Variants in ZNF487 observed in about 807,000 individuals in gnomAD.
ZNF487 encodes KRAB domain only 1.
ZNF487 carries 4 observed loss-of-function variants against 3.0 expected under a neutral mutation model. The observed-to-expected ratio is 1.35, with a 90% CI of 0.66 to 3.08. ZNF487 has a LOEUF of 3.08. Ranked by LOEUF, ZNF487 falls within the 30% of genes most tolerant of loss-of-function variation. The pLI is 0.01. For synonymous variants in ZNF487, 55 were observed against 34.6 expected (o/e 1.59, Z -2.06); for missense variants, 146 against 98.7 (o/e 1.48, Z -2.03).
At chr10:43,510,991 A>G in the ZNF487 span, among the ~76,000 whole-genome samples, 2 of 152,198 alleles carry the variant, frequency 1.3e-5, no homozygotes, top group African/African-American at 4.8e-5. Context: ...AGGCCAGCAG[A>G]ACGTAATTTT....
chr10:43,445,221 T>G (rs1462379264), intron 1 of ZNF487, among the ~76,000 whole-genome samples: 1 of 151,982 alleles, frequency 6.6e-6, no homozygotes, highest in Non-Finnish European at 1.5e-5. Flanking sequence ...ATTCCTGGGC[T>G]CAAGCAATTT....
chr10:43,461,613 C>A (rs539344107), intron 1 of ZNF487, among the ~76,000 whole-genome samples: 12 of 152,008 alleles, frequency 7.9e-5, no homozygotes, highest in Non-Finnish European at 1.6e-4. Context: ...GAGCCACTGC[C>A]CCCGGCCTTT....
chr10:43,515,947 T>G, the ZNF487 span, among the ~76,000 whole-genome samples: 28 of 152,260 alleles, frequency 1.8e-4, no homozygotes, highest in African/African-American at 4.6e-4. Flanking sequence ...CTAATTTTTT[T>G]TGTGTGTGTG....
At chr10:43,486,357 T>G (rs530347820), downstream of ZNF487, among the ~76,000 whole-genome samples, 1 of 152,140 alleles carries the variant, frequency 6.6e-6, no homozygotes, top group South Asian at 2.1e-4. Context: ...AAAAACTTCG[T>G]CTCCACTAAA....
At chr10:43,455,634 G>A (rs1840161359) in intron 1 of ZNF487, among the ~76,000 whole-genome samples, 1 of 152,234 alleles carries the variant, frequency 6.6e-6, no homozygotes, top group African/African-American at 2.4e-5. Context: ...GTGGCGCGGC[G>A]CGCTTGTGGC....
intron 1 of ZNF487, among the ~76,000 whole-genome samples, chr10:43,448,823 A>G (rs576910865): frequency 6.6e-6 from 1 of 151,866 alleles, no homozygotes; most frequent in South Asian, 2.1e-4. Flanking sequence ...TTTCAAAAAA[A>G]TAAATATATA....
At chr10:43,464,349 ATTGT>A (rs1386944070) in intron 1 of ZNF487, among the ~76,000 whole-genome samples, 1 of 151,392 alleles carries the variant, frequency 6.6e-6, no homozygotes, top group African/African-American at 2.4e-5. Flanking sequence ...TGCCCGGCTA[ATTGT>A]TTGTATTTTT....
At chr10:43,455,561 C>CT (rs1840156918) in intron 1 of ZNF487, among the ~76,000 whole-genome samples, 1 of 152,254 alleles carries the variant, frequency 6.6e-6, no homozygotes, top group African/African-American at 2.4e-5. Flanking sequence ...GACGACGCAG[C>CT]TCAGGGCGGG....
At chr10:43,515,663 G>A in the ZNF487 span, among the ~76,000 whole-genome samples, 1 of 152,154 alleles carries the variant, frequency 6.6e-6, no homozygotes, top group Non-Finnish European at 1.5e-5. Context: ...GCTTGTGTCT[G>A]TTTTTCCACA....
chr10:43,497,884 G>A, the ZNF487 span, among the ~76,000 whole-genome samples: 3 of 150,212 alleles, frequency 2.0e-5, no homozygotes, highest in South Asian at 4.2e-4. Flanking sequence ...GGAGAATGGC[G>A]TGAACCCGGG....
the ZNF487 span, among the ~76,000 whole-genome samples, chr10:43,504,597 T>C: frequency 1.9e-3 from 290 of 151,332 alleles, 2 homozygotes; most frequent in Middle Eastern, 7.0e-3. Flanking sequence ...GCCCGGCACA[T>C]GTTTTCTTAT....
At chr10:43,461,557 G>T (rs13376924) in intron 1 of ZNF487, among the ~76,000 whole-genome samples, 10,878 of 152,158 alleles carry the variant, frequency 0.071, 538 homozygotes, top group East Asian at 0.2. Flanking sequence ...CTGGGCTCAA[G>T]TGATCCTCCT....
chr10:43,489,205 G>A, the ZNF487 span, among the ~76,000 whole-genome samples: 1 of 150,740 alleles, frequency 6.6e-6, no homozygotes, highest in Non-Finnish European at 1.5e-5. Context: ...GCTGGGTGCA[G>A]TGGCTCATGC....
the ZNF487 span, among the ~76,000 whole-genome samples, chr10:43,514,353 C>A: frequency 4.6e-5 from 7 of 152,122 alleles, no homozygotes; most frequent in African/African-American, 9.7e-5. Flanking sequence ...GTTGGCCAGG[C>A]TAGTCTTGAA....
At chr10:43,494,306 C>T in the ZNF487 span, among the ~76,000 whole-genome samples, 1 of 152,182 alleles carries the variant, frequency 6.6e-6, no homozygotes, top group East Asian at 1.9e-4. Context: ...ATATATGTGT[C>T]CCAAAATATT....
chr10:43,475,926 G>A (rs910339724), intron 2 of ZNF487, 79 bp downstream of exon 2: 4 of 664,176 alleles, frequency 6.0e-6, no homozygotes, highest in Non-Finnish European at 1.1e-5. Context: ...TTCTTTGTAT[G>A]AATATGAGTT....
intron 3 of ZNF487, among the ~76,000 whole-genome samples, chr10:43,480,792 A>G (rs1014744568): frequency 2.6e-5 from 4 of 151,842 alleles, no homozygotes; most frequent in African/African-American, 9.7e-5. Context: ...TTCTTCCATT[A>G]ATTGCAAAGA....
At chr10:43,507,971 G>A in the ZNF487 span, among the ~76,000 whole-genome samples, 2 of 152,234 alleles carry the variant, frequency 1.3e-5, no homozygotes, top group East Asian at 1.9e-4. Context: ...GAAAAGGCGG[G>A]ACTGTTGCTA....
chr10:43,514,445 T>A, the ZNF487 span, among the ~76,000 whole-genome samples: 1 of 152,210 alleles, frequency 6.6e-6, no homozygotes, highest in South Asian at 2.1e-4. Flanking sequence ...TGGCTGATTC[T>A]CTGTTTTTAT....
Sources: gnomAD v4.1 joint callset for allele counts (sites outside exome capture counted in the v4.1 genomes callset) on GRCh38, gnomAD v4.1.1 for gene constraint, MANE v1.5 for transcripts, NCBI Gene and HGNC (gene_info 2026-07-23, HGNC 2026-07-21) for gene names.